The following SPINK14 variants were observed in gnomAD, a reference collection of about 807,000 sequenced individuals.
The protein encoded by SPINK14 is serine protease inhibitor Kazal-type 14.
A neutral mutation model predicts 14.2 loss-of-function variants in SPINK14; 6 were observed. The ratio of observed to expected loss-of-function variants is 0.42; its 90% CI spans 0.23 to 0.83. SPINK14 has a LOEUF of 0.83. Among genes scored for constraint, SPINK14 ranks in the 40% least tolerant of loss-of-function variants. SPINK14 has a pLI of 0.28. For synonymous variants in SPINK14, 34 were observed against 36.8 expected (o/e 0.92, Z 0.27); for missense variants, 86 against 108.3 (o/e 0.79, Z 0.91).
At chr5:148,172,798 G>GAC (rs3036798) in intron 3 of SPINK14, among the ~76,000 whole-genome samples, 89,618 of 151,636 alleles carry the variant, frequency 0.59, 27,297 homozygotes, top group African/African-American at 0.73. Flanking sequence ...GGGTGGTTAT[G>GAC]ACACGTCAGA....
intron 2 of SPINK14, 34 bp from the exon 3 acceptor site, chr5:148,170,896 T>C (rs763367979): frequency 6.3e-7 from 1 of 1,591,736 alleles, no homozygotes; most frequent in Non-Finnish European, 8.6e-7. Context: ...TTAACAGGAA[T>C]TAAATTCTGT....
At chr5:148,170,232 A>G (rs1256896156) in intron 2 of SPINK14, among the ~76,000 whole-genome samples, 1 of 151,208 alleles carries the variant, frequency 6.6e-6, no homozygotes, top group Non-Finnish European at 1.5e-5. Context: ...AGAGTCTAAA[A>G]GACTGATTCA....
intron 3 of SPINK14, among the ~76,000 whole-genome samples, chr5:148,172,721 G>A (rs564145994): frequency 6.6e-6 from 1 of 152,254 alleles, no homozygotes; most frequent in Non-Finnish European, 1.5e-5. Context: ...ATAGTTCTCA[G>A]AAAGTGGGTT....
At position 148,169,778 on chromosome 5, in the gene SPINK14, A is replaced by G; in HGVS notation, c.46A>G (p.Ile16Val). 3 of 1,611,338 alleles carry G rather than the reference A, an allele frequency of 1.9e-6. No homozygotes were observed. Among genetic ancestry groups the G allele is most frequent in the Non-Finnish European group, 2.5e-6 (3 of 1,178,610 alleles). Residue 16 changes from isoleucine (I) to valine (V), a missense_variant, in exon 2 of 5, where the codon ATA becomes GTA. Transcript: ENST00000356972. ...PVFSLLSFIL[I>V]HLVLSSVSGP... Reference sequence around the variant, plus strand: ...ATTCTCACTTTTGTCCTTTATCTTGATACATTTGGTGTTATCTTCTGGTGA... The same window carrying G: ...ATTCTCACTTTTGTCCTTTATCTTGGTACATTTGGTGTTATCTTCTGGTGA...
At chr5:148,169,992 G>A (rs1755080078) in intron 2 of SPINK14, among the ~76,000 whole-genome samples, 193 bp downstream of exon 2, 1 of 145,718 alleles carries the variant, frequency 6.9e-6, no homozygotes, top group African/African-American at 2.5e-5. Flanking sequence ...TATATACTCA[G>A]AGTATATGAC....
chr5:148,169,940 T>C (rs1581128359), intron 2 of SPINK14, 141 bp downstream of exon 2: 4 of 328,748 alleles, frequency 1.2e-5, no homozygotes, highest in East Asian at 4.8e-5. Flanking sequence ...AAATTATCCA[T>C]TGACGTGTTG....
chr5:148,170,861 T>C, intron 2 of SPINK14, 69 bp from the exon 3 acceptor site: 1 of 1,384,766 alleles, frequency 7.2e-7, no homozygotes, highest in East Asian at 2.3e-5. Context: ...AACTCGTTTA[T>C]TCTGCCAACA....
rs1410736766 is a variant in SPINK14 at position 148,175,462 on chromosome 5, C to A, written c.*64C>A. On this transcript the variant is annotated 3_prime_UTR_variant, in exon 5 of 5. Transcript: ENST00000356972. Reference sequence around the variant, plus strand: ...TTTCCTCCATGTCTCCAATCTCCCTCTTGCGCTTTTTACATCTCCTTGCAT... The same window carrying A: ...TTTCCTCCATGTCTCCAATCTCCCTATTGCGCTTTTTACATCTCCTTGCAT... 8 of 1,209,398 alleles carry A rather than the reference C, an allele frequency of 6.6e-6. No individual in the cohort carries two copies. Among genetic ancestry groups the A allele is most frequent in the Non-Finnish European group, 9.7e-6 (8 of 824,316 alleles). The allele number at this position is 1,209,398 out of a possible 1,614,324, so 74.9% of individuals were successfully genotyped here.
At chr5:148,170,173 T>TACACAC (rs376416343) in intron 2 of SPINK14, among the ~76,000 whole-genome samples, 60 of 133,836 alleles carry the variant, frequency 4.5e-4, no homozygotes, top group Middle Eastern at 4.0e-3. Context: ...TATATATATA[T>TACACAC]ACACACACAC....
rs753127604 is a variant in SPINK14, at chr5:148,175,429, CTT to C, written c.*40_*41del. 6.5e-6 allele frequency: 9 copies of C among 1,389,710 alleles called. No individual in the cohort carries two copies. Among genetic ancestry groups the C allele is most frequent in the Admixed American group, 4.0e-5 (2 of 49,648 alleles). The allele number at this position is 1,389,710 out of a possible 1,614,324, so 86.1% of individuals were successfully genotyped here. A position where few individuals can be genotyped will look rare whatever the true frequency, so the allele number is the denominator to read the frequency against. ...TGGACTTGAATGTGGAAGATATCTT[CTT>C]TTTTTTTTCCTCCATGTCTCCAATC... On this transcript the variant is annotated 3_prime_UTR_variant, in exon 5 of 5. Coordinates refer to ENST00000356972, the MANE Select transcript of SPINK14 (RefSeq NM_001001325.2).
At chr5:148,170,173 T>TATATACACAC (rs1554109827) in intron 2 of SPINK14, among the ~76,000 whole-genome samples, 1 of 133,860 alleles carries the variant, frequency 7.5e-6, no homozygotes, top group African/African-American at 2.9e-5. Flanking sequence ...TATATATATA[T>TATATACACAC]ACACACACAC....
At chr5:148,174,950 C>T (rs987722653) in intron 4 of SPINK14, among the ~76,000 whole-genome samples, 12 of 151,992 alleles carry the variant, frequency 7.9e-5, no homozygotes, top group Non-Finnish European at 1.6e-4. Flanking sequence ...AGCTCTTAGC[C>T]CAATCATTTT....
At chr5:148,172,848 A>C (rs1197279874) in intron 3 of SPINK14, among the ~76,000 whole-genome samples, 1 of 152,160 alleles carries the variant, frequency 6.6e-6, no homozygotes, top group Non-Finnish European at 1.5e-5. Context: ...TTTATAAAAA[A>C]GAAAAGCAAA....
At chr5:148,168,957 A>G (rs1383570549) in intron 1 of SPINK14, among the ~76,000 whole-genome samples, 1 of 152,138 alleles carries the variant, frequency 6.6e-6, no homozygotes, top group Non-Finnish European at 1.5e-5. Context: ...TAGAATTAGG[A>G]ATGGAGGAAC....
intron 3 of SPINK14, among the ~76,000 whole-genome samples, chr5:148,173,143 GA>G (rs1236630627): frequency 1.2e-4 from 19 of 152,096 alleles, no homozygotes; most frequent in Admixed American, 8.5e-4. Flanking sequence ...AAAGAGGGAA[GA>G]GGAATTTCTA....
rs75978170 is a variant in SPINK14 at position 148,175,590 on chromosome 5, C to T, written c.*192C>T. ...TCACTGACTGATTGCCTTCCATAGT[C>T]TCCCTAATAAATACACTTTTATGAA... On this transcript the variant is annotated 3_prime_UTR_variant, in exon 5 of 5. Transcript: ENST00000356972. 6.6e-6 allele frequency among the ~76,000 whole-genome samples: 1 copy of T among 151,992 alleles called. No individual in the cohort carries two copies. Among genetic ancestry groups the T allele is most frequent in the Admixed American group, 6.6e-5 (1 of 15,220 alleles).
At chr5:148,173,137 A>T (rs180922083) in intron 3 of SPINK14, among the ~76,000 whole-genome samples, 114 of 147,816 alleles carry the variant, frequency 7.7e-4, no homozygotes, top group African/African-American at 2.7e-3. Context: ...ATAAAAAAAG[A>T]GGGAAGAGGA....
rs749677057 is a variant in SPINK14 at position 148,174,378 on chromosome 5, C to G, written c.248+8C>G. On this transcript the variant is annotated splice_region_variant and intron_variant, in intron 4 of 4. Transcript: ENST00000356972. ...TCTGTGTGTTGAGAGCTTGTGAGTA[C>G]TATTTGGGGAAAAGAGGGGAACTGT... 2 of 1,107,080 alleles carry G rather than the reference C, an allele frequency of 1.8e-6. No individual in the cohort carries two copies. The highest frequency in any genetic ancestry group is 4.5e-5 in the African/African-American group (2 of 44,254). The allele number at this position is 1,107,080 out of a possible 1,614,324, so 68.6% of individuals were successfully genotyped here.
intron 1 of SPINK14, 60 bp from the exon 2 acceptor site, chr5:148,169,601 G>C (rs1271470345): frequency 1.6e-6 from 1 of 612,998 alleles, no homozygotes; most frequent in Non-Finnish European, 2.9e-6. Context: ...TACAATGGGT[G>C]GAGTAGAGAT....
Sources: allele counts gnomAD v4.1 joint callset (sites outside exome capture counted in the v4.1 genomes callset), GRCh38; gene constraint gnomAD v4.1.1; transcripts MANE v1.5; gene names NCBI Gene and HGNC (gene_info 2026-07-23, HGNC 2026-07-21).